SLC39A11: variants seen among roughly 807,000 people sequenced by gnomAD.
The protein encoded by SLC39A11 is solute carrier family 39 member 11, also known as zinc transporter ZIP11.
In SLC39A11, 33 loss-of-function variants were observed where a neutral mutation model predicts 36.1. The observed-to-expected ratio is 0.91, with a 90% confidence interval of 0.69 to 1.22. The LOEUF is 1.22. SLC39A11 is among the 50% of genes most tolerant of loss of function. SLC39A11 has a pLI of 0.00. For synonymous variants in SLC39A11, 166 were observed against 170.3 expected, an observed-to-expected ratio of 0.97 and a Z score of 0.20; for missense variants, 432 against 430.3, an observed-to-expected ratio of 1.00 and a Z score of -0.03.
intron 3 of SLC39A11, among the ~76,000 whole-genome samples, chr17:73,046,105 TATA>T (rs1233087005): frequency 6.6e-6 from 1 of 152,138 alleles, no homozygotes; most frequent in Non-Finnish European, 1.5e-5. Context: ...CGCAAAGATC[TATA>T]AGAGAGGAGT....
At chr17:73,078,737 T>C (rs552475477) in intron 3 of SLC39A11, among the ~76,000 whole-genome samples, 184 of 152,148 alleles carry the variant, frequency 1.2e-3, no homozygotes, top group African/African-American at 4.3e-3. Context: ...CCTCAGGTGA[T>C]CCACTTGCCT....
intron 3 of SLC39A11, among the ~76,000 whole-genome samples, chr17:73,059,097 G>A (rs1219611964): frequency 1.3e-5 from 2 of 152,118 alleles, no homozygotes; most frequent in East Asian, 3.8e-4. Context: ...TCATTTCTTA[G>A]TTAAAATACT....
intron 5 of SLC39A11, among the ~76,000 whole-genome samples, chr17:72,880,986 T>C (rs1393391647): frequency 2.9e-5 from 1 of 34,404 alleles, no homozygotes; most frequent in Non-Finnish European, 4.5e-5. Flanking sequence ...CGGCCTAAGA[T>C]AAAATTATAA....
chr17:72,752,542 G>A (rs560419329), intron 6 of SLC39A11, among the ~76,000 whole-genome samples: 2 of 152,208 alleles, frequency 1.3e-5, no homozygotes, highest in Admixed American at 6.5e-5. Flanking sequence ...CACCACGCCC[G>A]GGCCTTAGTA....
chr17:72,901,059 C>T (rs4969131), intron 5 of SLC39A11, among the ~76,000 whole-genome samples: 76,290 of 151,746 alleles, frequency 0.5, 19,574 homozygotes, highest in East Asian at 0.72. Context: ...GCTGAGGAAA[C>T]CCATCAGAAT....
chr17:72,666,482 CAT>C (rs1417069800), intron 7 of SLC39A11, among the ~76,000 whole-genome samples: 1 of 152,222 alleles, frequency 6.6e-6, no homozygotes, highest in Admixed American at 6.5e-5. Flanking sequence ...CGCTGAATAA[CAT>C]ACGCTCTCAA....
At chr17:72,720,850 T>G (rs2073630688) in intron 7 of SLC39A11, among the ~76,000 whole-genome samples, 1 of 152,196 alleles carries the variant, frequency 6.6e-6, no homozygotes, top group Non-Finnish European at 1.5e-5. Flanking sequence ...CCAGAATCCA[T>G]GGTCTTATAT....
At chr17:73,090,521 T>C (rs1451904058) in intron 1 of SLC39A11, among the ~76,000 whole-genome samples, 5 of 152,220 alleles carry the variant, frequency 3.3e-5, no homozygotes, top group Admixed American at 3.3e-4. Flanking sequence ...ACACCAATCA[T>C]CTATTCCGAG....
intron 4 of SLC39A11, among the ~76,000 whole-genome samples, chr17:72,983,967 T>C (rs1490060533): frequency 6.6e-6 from 1 of 152,124 alleles, no homozygotes; most frequent in Admixed American, 6.5e-5. Context: ...TCTAGACCCC[T>C]TTCCTGAGTG....
chr17:72,700,253 T>A (rs1167907459), intron 7 of SLC39A11, among the ~76,000 whole-genome samples: 1 of 152,206 alleles, frequency 6.6e-6, no homozygotes, highest in Admixed American at 6.5e-5. Flanking sequence ...TGACTGCAAT[T>A]TTATTTTTTA....
At chr17:72,753,761 C>T (rs2075244318) in intron 6 of SLC39A11, among the ~76,000 whole-genome samples, 1 of 151,624 alleles carries the variant, frequency 6.6e-6, no homozygotes, top group East Asian at 1.9e-4. Flanking sequence ...AGTCTGTTTC[C>T]CTAACAGGCC....
intron 5 of SLC39A11, among the ~76,000 whole-genome samples, chr17:72,900,943 G>A (rs2082360829): frequency 6.6e-6 from 1 of 150,414 alleles, no homozygotes. Flanking sequence ...TCACCTGCAT[G>A]CCTGTGCCTA....
chr17:72,889,896 A>ATGGACTC (rs1251968057), intron 5 of SLC39A11, among the ~76,000 whole-genome samples: 2 of 152,174 alleles, frequency 1.3e-5, no homozygotes, highest in Admixed American at 6.5e-5. Flanking sequence ...GTAAGGAGCA[A>ATGGACTC]TGGACTCTGA....
chr17:72,734,557 G>C (rs1392939345), intron 7 of SLC39A11, among the ~76,000 whole-genome samples: 1 of 152,228 alleles, frequency 6.6e-6, no homozygotes, highest in Non-Finnish European at 1.5e-5. Flanking sequence ...ATCCTGTCGA[G>C]GGCTTTTGTA....
chr17:72,713,508 A>G (rs946679707), intron 7 of SLC39A11, among the ~76,000 whole-genome samples: 13 of 152,204 alleles, frequency 8.5e-5, no homozygotes, highest in African/African-American at 2.7e-4. Context: ...CAACAGAGTG[A>G]AACCCGAAGG....
intron 7 of SLC39A11, among the ~76,000 whole-genome samples, chr17:72,704,386 T>C (rs1169273364): frequency 6.6e-6 from 1 of 152,188 alleles, no homozygotes; most frequent in Non-Finnish European, 1.5e-5. Context: ...TCTAATGTGG[T>C]GCTAGGCTCC....
chr17:72,772,253 T>C (rs2075973611), intron 6 of SLC39A11, among the ~76,000 whole-genome samples: 1 of 152,218 alleles, frequency 6.6e-6, no homozygotes, highest in Admixed American at 6.5e-5. Context: ...TTCCTCTTCA[T>C]ACCTGAGCAC....
At chr17:72,951,470 T>C (rs748711836) in intron 4 of SLC39A11, among the ~76,000 whole-genome samples, 2 of 152,158 alleles carry the variant, frequency 1.3e-5, no homozygotes, top group African/African-American at 2.4e-5. Flanking sequence ...AGATTTCTGT[T>C]AAGTGTCAAC....
At chr17:72,729,402 T>A (rs2074063819) in intron 7 of SLC39A11, among the ~76,000 whole-genome samples, 1 of 46,506 alleles carries the variant, frequency 2.2e-5, no homozygotes, top group Non-Finnish European at 4.5e-5. Context: ...CCCACCTGGC[T>A]ATTTATATAT....
Sources: allele counts gnomAD v4.1 joint callset (sites outside exome capture counted in the v4.1 genomes callset), GRCh38; gene constraint gnomAD v4.1.1; transcripts MANE v1.5; gene names NCBI Gene and HGNC (gene_info 2026-07-23, HGNC 2026-07-21).